PHF21A: variants seen among roughly 807,000 people sequenced by gnomAD.
PHF21A encodes BHC80a.
Under a neutral mutation model 82.5 loss-of-function variants are expected in PHF21A, and 11 were observed. The observed-to-expected ratio is 0.13, with a 90% CI of 0.08 to 0.22. The LOEUF is 0.22. Among genes scored for constraint, PHF21A ranks in the 10% least tolerant of loss-of-function variants. The pLI is 1.00. For synonymous variants in PHF21A, 297 were observed against 302.8 expected, an observed-to-expected ratio of 0.98 and a Z score of 0.20; for missense variants, 579 against 837.8, an observed-to-expected ratio of 0.69 and a Z score of 3.81.
intron 6 of PHF21A, among the ~76,000 whole-genome samples, chr11:45,984,652 C>T (rs1423062324): frequency 6.6e-6 from 1 of 152,140 alleles, no homozygotes; most frequent in African/African-American, 2.4e-5. Flanking sequence ...GACGGAGAGA[C>T]GGAAGGACTG....
Position 46,079,180 on chromosome 11 carries a change from G to C in PHF21A, c.55-14C>G, listed in dbSNP as rs201229795. On this transcript the variant is annotated splice_polypyrimidine_tract_variant and intron_variant, in intron 4 of 18. Coordinates refer to ENST00000676320, the MANE Select transcript of PHF21A (RefSeq NM_001352027.3). ...AGCAACCAGTTTCTGGTAATAAAGAGAGAAAAAGAGCCATCAGTCTTACAT... is the reference window on the plus strand; with the variant it reads ...AGCAACCAGTTTCTGGTAATAAAGACAGAAAAAGAGCCATCAGTCTTACAT... The C allele has an allele frequency of 1.4e-4, 218 of 1,592,008 alleles. No individual in the cohort carries two copies. The highest frequency in any genetic ancestry group is 1.8e-4 in the Non-Finnish European group (206 of 1,165,082).
At chr11:46,109,936 G>C (rs987727188) in intron 1 of PHF21A, among the ~76,000 whole-genome samples, 1 of 149,506 alleles carries the variant, frequency 6.7e-6, no homozygotes, top group African/African-American at 2.5e-5. Flanking sequence ...AGCTGAGATG[G>C]CCCCCCTGCA....
chr11:46,044,083 T>C (rs557766544), intron 6 of PHF21A, among the ~76,000 whole-genome samples: 1 of 152,252 alleles, frequency 6.6e-6, no homozygotes, highest in Non-Finnish European at 1.5e-5. Context: ...TTTGAGAAGA[T>C]GGTAAACTCA....
intron 6 of PHF21A, among the ~76,000 whole-genome samples, chr11:46,068,353 G>A (rs2096618706): frequency 6.6e-6 from 1 of 152,092 alleles, no homozygotes; most frequent in Admixed American, 6.5e-5. Flanking sequence ...GGGAATAAAT[G>A]GGAATGGATT....
At chr11:46,018,110 C>A (rs1407260802) in intron 6 of PHF21A, among the ~76,000 whole-genome samples, 1 of 151,768 alleles carries the variant, frequency 6.6e-6, no homozygotes, top group East Asian at 1.9e-4. Flanking sequence ...ATTAGCCGGG[C>A]GTAGTGGCGG....
chr11:46,105,749 T>TA (rs781489702), intron 1 of PHF21A, among the ~76,000 whole-genome samples: 1 of 152,198 alleles, frequency 6.6e-6, no homozygotes, highest in Non-Finnish European at 1.5e-5. Context: ...ATTTTACATT[T>TA]AAAAAGCACT....
intron 3 of PHF21A, among the ~76,000 whole-genome samples, chr11:46,089,230 C>T (rs1488041776): frequency 6.6e-6 from 1 of 151,994 alleles, no homozygotes; most frequent in African/African-American, 2.4e-5. Context: ...ACTTCTTGTA[C>T]CATGCTTAAT....
chr11:46,033,025 C>A (rs990814026), intron 6 of PHF21A, among the ~76,000 whole-genome samples: 5 of 152,134 alleles, frequency 3.3e-5, no homozygotes, highest in Admixed American at 3.3e-4. Flanking sequence ...AGTTACTATT[C>A]TGAATTTCTT....
chr11:45,935,594 T>TGCACCTATG (rs765856907), intron 18 of PHF21A, 42 bp downstream of exon 18: 8 of 960,044 alleles, frequency 8.3e-6, no homozygotes, highest in Non-Finnish European at 1.2e-5. Context: ...CCTAGGTCTC[T>TGCACCTATG]GCACCTATGT....
At chr11:45,998,427 T>C (rs1208886598) in intron 6 of PHF21A, among the ~76,000 whole-genome samples, 5 of 152,224 alleles carry the variant, frequency 3.3e-5, no homozygotes, top group Non-Finnish European at 7.3e-5. Context: ...ACAGATGTAG[T>C]ATATTAACAA....
chr11:46,109,390 A>C (rs2097186312), intron 1 of PHF21A, among the ~76,000 whole-genome samples: 1 of 152,242 alleles, frequency 6.6e-6, no homozygotes, highest in Non-Finnish European at 1.5e-5. Context: ...CCTAAGGTAC[A>C]AAAACCGTTC....
At chr11:45,945,028 G>A (rs1280022983) in intron 15 of PHF21A, among the ~76,000 whole-genome samples, 1 of 152,212 alleles carries the variant, frequency 6.6e-6, no homozygotes, top group Non-Finnish European at 1.5e-5. Flanking sequence ...CTCCCAAAGT[G>A]TTGGGATTAC....
intron 6 of PHF21A, among the ~76,000 whole-genome samples, chr11:45,982,414 A>G (rs551946926): frequency 6.6e-5 from 10 of 152,100 alleles, no homozygotes; most frequent in Non-Finnish European, 1.3e-4. Flanking sequence ...TGCAGAGTTT[A>G]AAGTCTTTGC....
intron 6 of PHF21A, among the ~76,000 whole-genome samples, chr11:45,981,940 C>CTTTTTTTGTTTTTT (rs2094307793): frequency 1.3e-5 from 1 of 78,268 alleles, no homozygotes; most frequent in Non-Finnish European, 2.3e-5. Flanking sequence ...TTTTGTTTTT[C>CTTTTTTTGTTTTTT]TTTTTTTTTT....
chr11:46,009,746 C>T (rs1015773576), intron 6 of PHF21A, among the ~76,000 whole-genome samples: 1 of 152,172 alleles, frequency 6.6e-6, no homozygotes, highest in African/African-American at 2.4e-5. Context: ...TTAGTCACTG[C>T]ACAATACAAT....
intron 7 of PHF21A, among the ~76,000 whole-genome samples, chr11:45,977,522 A>G (rs149312875): frequency 4.3e-4 from 65 of 152,356 alleles, no homozygotes; most frequent in Non-Finnish European, 7.3e-4. Flanking sequence ...ACAGGAAACA[A>G]TGAATTCTAC....
chr11:46,010,516 C>T lies in PHF21A; in HGVS notation c.154-30550G>A, dbSNP rs143149900. Among the ~76,000 whole-genome samples the T allele has an allele frequency of 1.4e-3, 211 of 152,288 alleles. 1 individual carries two copies. Among genetic ancestry groups the T allele is most frequent in the Middle Eastern group, 6.8e-3 (2 of 294 alleles). On this transcript the variant is annotated intron_variant, in intron 6 of 18. Transcript: ENST00000676320. The stretch of plus-strand genomic sequence containing the variant: ...AATGCCTGAATTTCTTTCTGCTTTA[C>T]GACATTGTTTGGGAATAGTGGTATG...
At chr11:46,013,461 T>G (rs965049857) in intron 6 of PHF21A, among the ~76,000 whole-genome samples, 1 of 152,198 alleles carries the variant, frequency 6.6e-6, no homozygotes, top group African/African-American at 2.4e-5. Flanking sequence ...GTAATATTTT[T>G]GGGCCTCAGC....
intron 10 of PHF21A, among the ~76,000 whole-genome samples, chr11:45,960,567 T>G (rs1367193680): frequency 6.6e-6 from 1 of 152,230 alleles, no homozygotes; most frequent in African/African-American, 2.4e-5. Context: ...TAATGGATAC[T>G]GGGTTTTATT....
Sources: gnomAD v4.1 joint callset for allele counts (sites outside exome capture counted in the v4.1 genomes callset) on GRCh38, gnomAD v4.1.1 for gene constraint, MANE v1.5 for transcripts, NCBI Gene and HGNC (gene_info 2026-07-23, HGNC 2026-07-21) for gene names.